The following PCDH9 variants were observed in gnomAD, a reference collection of about 807,000 sequenced individuals.
PCDH9 encodes protocadherin 9, also known as protocadherin-9.
In PCDH9, 24 loss-of-function variants were observed where a neutral mutation model predicts 70.6. The observed-to-expected ratio is 0.34, with a 90% CI of 0.25 to 0.48. The LOEUF is 0.48. PCDH9 is among the 20% of genes least tolerant of loss of function. The probability of loss-of-function intolerance (pLI) is 0.99; values close to 1 mark genes in which losing one functional copy is unlikely to be tolerated. For synonymous variants in PCDH9, 562 were observed against 558.5 expected, an observed-to-expected ratio of 1.01 and a Z score of -0.09; for missense variants, 1,281 against 1,503.6, an observed-to-expected ratio of 0.85 and a Z score of 2.45.
intron 4 of PCDH9, among the ~76,000 whole-genome samples, chr13:66,616,464 C>T (rs912170664): frequency 2.2e-5 from 3 of 139,076 alleles, no homozygotes; most frequent in Admixed American, 7.3e-5. Context: ...ATCATACATT[C>T]GTCATTAAAT....
At chr13:66,489,084 C>T (rs1285707299) in intron 4 of PCDH9, among the ~76,000 whole-genome samples, 1 of 152,106 alleles carries the variant, frequency 6.6e-6, no homozygotes, top group African/African-American at 2.4e-5. Flanking sequence ...GCAAAGTTTT[C>T]AATCTACAGA....
intron 4 of PCDH9, among the ~76,000 whole-genome samples, chr13:66,377,315 C>T (rs534103463): frequency 9.9e-5 from 15 of 152,010 alleles, no homozygotes; most frequent in Admixed American, 2.6e-4. Flanking sequence ...CTGCCAGTCC[C>T]CGCCCTGAGT....
At chr13:66,987,415 C>G (rs1222884174) in intron 2 of PCDH9, among the ~76,000 whole-genome samples, 2 of 152,004 alleles carry the variant, frequency 1.3e-5, no homozygotes, top group East Asian at 3.8e-4. Context: ...GCTGTTGATA[C>G]ATTAATTGTG....
At chr13:67,138,844 C>T (rs895473199) in intron 2 of PCDH9, among the ~76,000 whole-genome samples, 27 of 152,234 alleles carry the variant, frequency 1.8e-4, no homozygotes, top group Admixed American at 1.6e-3. Flanking sequence ...TGAAAATAGC[C>T]TATACATATG....
intron 3 of PCDH9, among the ~76,000 whole-genome samples, chr13:66,745,589 C>A (rs1315089043): frequency 6.6e-6 from 1 of 152,112 alleles, no homozygotes; most frequent in South Asian, 2.1e-4. Flanking sequence ...AGAGCTTTCA[C>A]CAACACACTG....
chr13:66,593,294 G>C (rs2077059501), intron 4 of PCDH9, among the ~76,000 whole-genome samples: 1 of 151,662 alleles, frequency 6.6e-6, no homozygotes, highest in African/African-American at 2.4e-5. Context: ...GATTTTCACT[G>C]TTGTATCAGA....
In PCDH9 at chr13:66,917,565, T is replaced by C. The variant is rs114399161; in HGVS notation, c.3037-13960A>G. Among the ~76,000 whole-genome samples, 1,129 of 151,544 alleles carry C rather than the reference T, an allele frequency of 7.4e-3. 17 individuals carry two copies. Among genetic ancestry groups the C allele is most frequent in the African/African-American group, 0.026 (1,074 of 41,466 alleles). On this transcript the variant is annotated intron_variant, in intron 2 of 4. Coordinates refer to ENST00000377865, the MANE Select transcript of PCDH9 (RefSeq NM_203487.3). ...GTTGACATGCTATTTGTTTTTATGA[T>C]AGTTATTCAGTGACTCAGTGTAAAA...
chr13:66,737,631 G>A (rs558882802), intron 3 of PCDH9, among the ~76,000 whole-genome samples: 9 of 152,290 alleles, frequency 5.9e-5, no homozygotes, highest in African/African-American at 2.2e-4. Context: ...GCAGGCCAGT[G>A]GGTGCGCGCA....
intron 4 of PCDH9, among the ~76,000 whole-genome samples, chr13:66,618,360 G>A (rs1184225635): frequency 6.6e-6 from 1 of 152,098 alleles, no homozygotes; most frequent in East Asian, 1.9e-4. Context: ...ACTAATATGC[G>A]TAATTCTCAA....
intron 2 of PCDH9, among the ~76,000 whole-genome samples, chr13:67,186,479 G>A (rs1420519888): frequency 6.6e-6 from 1 of 152,162 alleles, no homozygotes; most frequent in Non-Finnish European, 1.5e-5. Flanking sequence ...TTCTGATCCA[G>A]TAGGTGTGGG....
At chr13:66,588,114 G>C (rs1158681235) in intron 4 of PCDH9, among the ~76,000 whole-genome samples, 1 of 151,968 alleles carries the variant, frequency 6.6e-6, no homozygotes, top group East Asian at 1.9e-4. Context: ...TAGCTTGACA[G>C]AATTTCCCTG....
intron 4 of PCDH9, among the ~76,000 whole-genome samples, chr13:66,581,138 A>T (rs572525428): frequency 6.6e-6 from 1 of 152,306 alleles, no homozygotes; most frequent in South Asian, 2.1e-4. Flanking sequence ...ATTTGTCACA[A>T]ATAGAAACCA....
chr13:66,333,532 A>G (rs1194206859), intron 4 of PCDH9, among the ~76,000 whole-genome samples: 2 of 152,196 alleles, frequency 1.3e-5, no homozygotes, highest in Non-Finnish European at 2.9e-5. Context: ...TACTTTAGAT[A>G]GAAATTTTAA....
At chr13:66,929,628 T>G (rs2139658595) in intron 2 of PCDH9, among the ~76,000 whole-genome samples, 1 of 152,226 alleles carries the variant, frequency 6.6e-6, no homozygotes, top group East Asian at 1.9e-4. Context: ...CTAGCTGACT[T>G]ATTAAATTTT....
At chr13:67,066,530 G>T (rs775930680) in intron 2 of PCDH9, among the ~76,000 whole-genome samples, 4 of 152,110 alleles carry the variant, frequency 2.6e-5, no homozygotes, top group Admixed American at 1.3e-4. Context: ...CACCGCACCC[G>T]GCCTGGGTTA....
intron 3 of PCDH9, among the ~76,000 whole-genome samples, chr13:66,747,180 T>A (rs1021665154): frequency 6.6e-6 from 1 of 152,046 alleles, no homozygotes; most frequent in African/African-American, 2.4e-5. Flanking sequence ...TGAAACCTCA[T>A]CTCTACTAAA....
At chr13:66,615,991 G>C (rs2077350879) in intron 4 of PCDH9, among the ~76,000 whole-genome samples, 1 of 152,140 alleles carries the variant, frequency 6.6e-6, no homozygotes, top group Non-Finnish European at 1.5e-5. Flanking sequence ...TTTTACCAAG[G>C]CTTTGACTGG....
intron 2 of PCDH9, among the ~76,000 whole-genome samples, chr13:66,943,181 C>T (rs1024889613): frequency 5.3e-5 from 8 of 151,894 alleles, no homozygotes; most frequent in East Asian, 3.9e-4. Context: ...TGCAATATTA[C>T]GTCTTATATT....
At chr13:67,015,812 T>A (rs1179138495) in intron 2 of PCDH9, among the ~76,000 whole-genome samples, 1 of 152,176 alleles carries the variant, frequency 6.6e-6, no homozygotes, top group East Asian at 1.9e-4. Flanking sequence ...CTCATTCATC[T>A]ATGTTCCTAT....
Sources: allele counts gnomAD v4.1 joint callset (sites outside exome capture counted in the v4.1 genomes callset), GRCh38; gene constraint gnomAD v4.1.1; transcripts MANE v1.5; gene names NCBI Gene and HGNC (gene_info 2026-07-23, HGNC 2026-07-21).